MTMR8: variants seen among roughly 807,000 people sequenced by gnomAD.
The protein encoded by MTMR8 is phosphatidylinositol-3,5-bisphosphate 3-phosphatase MTMR8.
In MTMR8, 65 loss-of-function variants were observed where a neutral mutation model predicts 39.3. The observed-to-expected ratio is 1.65, with a 90% CI of 1.35 to 2.03. MTMR8 has a LOEUF of 2.03. MTMR8 is among the 30% of genes most tolerant of loss of function. The pLI, the probability that MTMR8 is intolerant of heterozygous loss-of-function variation, is 0.00. For missense variants in MTMR8, 777 were observed against 538.9 expected, an observed-to-expected ratio of 1.44 and a Z score of -4.37; for synonymous variants, 245 against 185.2, an observed-to-expected ratio of 1.32 and a Z score of -2.62.
intron 10 of MTMR8, 118 bp downstream of exon 10, chrX:64,335,961 G>C (rs748111405): frequency 1.0e-5 from 5 of 492,508 alleles, no homozygotes; most frequent in Non-Finnish European, 1.6e-5. Context: ...GATGAAAAGA[G>C]ATTTATGCCA....
intron 12 of MTMR8, among the ~76,000 whole-genome samples, chrX:64,289,378 C>T (rs1237136084): frequency 5.4e-5 from 6 of 110,607 alleles, no homozygotes; most frequent in African/African-American, 9.9e-5. Flanking sequence ...TCCTCAACAA[C>T]GTAAAAACAG....
intron 12 of MTMR8, among the ~76,000 whole-genome samples, chrX:64,319,563 T>C (rs892052713): frequency 1.4e-4 from 15 of 110,374 alleles, no homozygotes; most frequent in Non-Finnish European, 2.1e-4. Context: ...TTTAATCCAT[T>C]TTGAATTAAT....
Position 64,268,630 on chromosome X carries a change from C to T in MTMR8, c.2022G>A (p.Glu674=). 1 of 1,211,696 alleles carries T rather than the reference C, an allele frequency of 8.3e-7. No individual in the cohort carries two copies. The highest frequency in any genetic ancestry group is 1.8e-5 in the South Asian group (1 of 56,958). ...CCATGTCCCCAGAGAAACCCCTGGC[C>T]TCAGAAATACCCAAGTTTCCAGAGA... ...TGISGNLGIS[E]ARGFSGDMGI... The change falls in exon 14 of 14, where the codon GAG becomes GAA. Residue 674 remains glutamate (E), a synonymous_variant. Transcript: ENST00000374852.
intron 12 of MTMR8, among the ~76,000 whole-genome samples, chrX:64,302,495 C>A (rs1408607909): frequency 8.9e-6 from 1 of 112,041 alleles, no homozygotes; most frequent in Admixed American, 9.4e-5. Context: ...AACCCGGTAC[C>A]TCAGATGGAA....
At chrX:64,348,524 T>A (rs1177098315) in intron 6 of MTMR8, 136 bp downstream of exon 6, 1 of 820,263 alleles carries the variant, frequency 1.2e-6, no homozygotes, top group African/African-American at 2.1e-5. Context: ...CTTCCTGAAA[T>A]GATTTTACAC....
intron 1 of MTMR8, among the ~76,000 whole-genome samples, chrX:64,364,718 T>A (rs1923896650): frequency 8.9e-6 from 1 of 111,752 alleles, no homozygotes; most frequent in African/African-American, 3.3e-5. Context: ...TCCAAAGGAC[T>A]GCAGCTCCTC....
At chrX:64,383,650 T>C (rs1224104071) in intron 1 of MTMR8, among the ~76,000 whole-genome samples, 1 of 109,353 alleles carries the variant, frequency 9.1e-6, no homozygotes, top group Non-Finnish European at 1.9e-5. Flanking sequence ...CCACACACTT[T>C]CAAATGACCA....
chrX:64,348,893 A>T, intron 5 of MTMR8, 99 bp from the exon 6 acceptor site: 2 of 932,022 alleles, frequency 2.1e-6, no homozygotes, highest in Non-Finnish European at 3.0e-6. Context: ...GGAGAGGATG[A>T]GCCAACTTAA....
chrX:64,357,041 G>A (rs1442846694), intron 2 of MTMR8, among the ~76,000 whole-genome samples: 1 of 112,184 alleles, frequency 8.9e-6, no homozygotes, highest in African/African-American at 3.2e-5. Context: ...GATTACTTCT[G>A]TTCATGCTGA....
chrX:64,302,730 C>T (rs1454798202), intron 12 of MTMR8, among the ~76,000 whole-genome samples: 1 of 112,252 alleles, frequency 8.9e-6, no homozygotes, highest in Admixed American at 9.4e-5. Flanking sequence ...GGCATTAGAG[C>T]CTGCCTGCTT....
intron 12 of MTMR8, among the ~76,000 whole-genome samples, chrX:64,311,734 C>A (rs888253668): frequency 1.8e-5 from 2 of 108,525 alleles, no homozygotes; most frequent in African/African-American, 6.8e-5. Flanking sequence ...TTTCCCAGCA[C>A]CATTTATTAA....
intron 12 of MTMR8, among the ~76,000 whole-genome samples, chrX:64,290,196 A>T (rs911202850): frequency 2.7e-5 from 3 of 110,211 alleles, no homozygotes; most frequent in African/African-American, 9.9e-5. Context: ...TAAAACCTAA[A>T]AAAGTGAACT....
chrX:64,370,125 C>A (rs1924089199), intron 1 of MTMR8, among the ~76,000 whole-genome samples: 2 of 110,352 alleles, frequency 1.8e-5, no homozygotes, highest in South Asian at 3.8e-4. Context: ...ATGATAAGTA[C>A]CAAGAATTGA....
At chrX:64,320,449 G>C (rs1016993764) in intron 12 of MTMR8, among the ~76,000 whole-genome samples, 1 of 110,610 alleles carries the variant, frequency 9.0e-6, no homozygotes, top group Non-Finnish European at 1.9e-5. Flanking sequence ...ATATATTTTG[G>C]CCTGCCTGGT....
rs886408906 is a variant in MTMR8, at chrX:64,378,101, G to A, written c.24+17239C>T. 6.9e-4 allele frequency among the ~76,000 whole-genome samples: 77 copies of A among 111,833 alleles called. 1 individual carries two copies. The highest frequency in any genetic ancestry group is 3.2e-4 in the Non-Finnish European group (17 of 53,268). ...TTTCTTGTACAGCCTGTGGATCTGT[G>A]AGTCAATTAAACTTCTTTTCTTCAT... is the stretch of plus-strand genomic sequence containing the variant. On this transcript the variant is annotated intron_variant, in intron 1 of 13. Transcript: ENST00000374852.
intron 12 of MTMR8, among the ~76,000 whole-genome samples, chrX:64,326,563 G>T (rs1244221671): frequency 2.7e-5 from 3 of 111,109 alleles, no homozygotes; most frequent in Non-Finnish European, 5.7e-5. Flanking sequence ...TAAACAGAAG[G>T]ATAGCCCATC....
At chrX:64,287,724 C>A (rs1765888579) in intron 12 of MTMR8, among the ~76,000 whole-genome samples, 2 of 108,745 alleles carry the variant, frequency 1.8e-5, no homozygotes, top group South Asian at 8.2e-4. Context: ...GAAAGGATTC[C>A]CTACTTAATA....
chrX:64,386,954 G>A (rs986426787), intron 1 of MTMR8, among the ~76,000 whole-genome samples: 1 of 110,908 alleles, frequency 9.0e-6, no homozygotes, highest in Non-Finnish European at 1.9e-5. Flanking sequence ...TCAGAAGGCT[G>A]TGGTGGGAAG....
chrX:64,281,471 A>G (rs1453706185), intron 12 of MTMR8, among the ~76,000 whole-genome samples: 1 of 112,012 alleles, frequency 8.9e-6, no homozygotes, highest in African/African-American at 3.2e-5. Flanking sequence ...TATTTAATAA[A>G]AGGTGCTGGG....
Sources: allele counts gnomAD v4.1 joint callset (sites outside exome capture counted in the v4.1 genomes callset), GRCh38; gene constraint gnomAD v4.1.1; transcripts MANE v1.5; gene names NCBI Gene and HGNC (gene_info 2026-07-23, HGNC 2026-07-21).